Variants in RAB2A observed in about 807,000 individuals in gnomAD.
The protein encoded by RAB2A is ras-related protein Rab-2A.
RAB2A carries 7 observed loss-of-function variants against 32.5 expected under a neutral mutation model. The observed-to-expected ratio is 0.22, with a 90% confidence interval of 0.12 to 0.40. The LOEUF is 0.40. Ranked by LOEUF, RAB2A falls within the 10% of genes least tolerant of loss-of-function variation. The pLI is 1.00. For missense variants in RAB2A, 108 were observed against 260.7 expected (o/e 0.41, Z 4.03); for synonymous variants, 79 against 85.2 (o/e 0.93, Z 0.40).
intron 1 of RAB2A, among the ~76,000 whole-genome samples, chr8:60,549,479 CTTT>C (rs34956255): frequency 6.5e-5 from 9 of 139,270 alleles, no homozygotes; most frequent in African/African-American, 5.2e-5. Context: ...CTCCACCAAC[CTTT>C]TTTTTTTTTT....
intron 1 of RAB2A, among the ~76,000 whole-genome samples, chr8:60,531,121 T>G (rs1036996026): frequency 4.6e-5 from 7 of 152,246 alleles, no homozygotes; most frequent in African/African-American, 1.7e-4. Flanking sequence ...ATGTGTTTCC[T>G]TCATTTATTT....
chr8:60,558,028 C>G (rs1807964933), intron 1 of RAB2A, among the ~76,000 whole-genome samples: 1 of 152,188 alleles, frequency 6.6e-6, no homozygotes, highest in South Asian at 2.1e-4. Flanking sequence ...GTTTTCCACA[C>G]TACTGTATTT....
At chr8:60,530,194 G>A (rs545232107) in intron 1 of RAB2A, among the ~76,000 whole-genome samples, 3 of 149,156 alleles carry the variant, frequency 2.0e-5, no homozygotes, top group African/African-American at 5.0e-5. Flanking sequence ...TGTCACCCAG[G>A]CTGGAGTGCA....
Position 60,556,476 on chromosome 8 carries a change from A to G in RAB2A, c.47-2376A>G, listed in dbSNP as rs75814003. ...ATCACTCTTATAAATAAGTACAATT[A>G]TATGTCAATTAAAATTTAAAAAAAA... is the stretch of plus-strand genomic sequence containing the variant. On this transcript the variant is annotated intron_variant, in intron 1 of 7. Coordinates refer to ENST00000262646, the MANE Select transcript of RAB2A (RefSeq NM_002865.3). 7.8e-4 allele frequency among the ~76,000 whole-genome samples: 119 copies of G among 152,096 alleles called. No individual in the cohort carries two copies. The East Asian group carries it at 0.014, about 17-fold the overall frequency.
chr8:60,576,297 G>A (rs781113206), intron 3 of RAB2A: 3 of 456,286 alleles, frequency 6.6e-6, no homozygotes, highest in South Asian at 1.5e-5. Context: ...AAAAGGCAGA[G>A]GTATGTTCTC....
chr8:60,575,234 G>A (rs1408661542), intron 3 of RAB2A, among the ~76,000 whole-genome samples: 2 of 151,762 alleles, frequency 1.3e-5, no homozygotes, highest in Non-Finnish European at 1.5e-5. Flanking sequence ...GAGTAGCTGG[G>A]ACTACACATG....
At chr8:60,540,045 G>A (rs1807615791) in intron 1 of RAB2A, among the ~76,000 whole-genome samples, 1 of 151,586 alleles carries the variant, frequency 6.6e-6, no homozygotes, top group African/African-American at 2.4e-5. Flanking sequence ...ACAGTGGAAT[G>A]CATTGAAGTT....
intron 7 of RAB2A, among the ~76,000 whole-genome samples, chr8:60,619,698 C>G (rs1369687111): frequency 6.6e-6 from 1 of 152,220 alleles, no homozygotes; most frequent in Non-Finnish European, 1.5e-5. Flanking sequence ...AATTGGGCCT[C>G]TATCTAAAAG....
chr8:60,603,392 A>G (rs1310636577), intron 6 of RAB2A, among the ~76,000 whole-genome samples: 2 of 152,254 alleles, frequency 1.3e-5, no homozygotes, highest in African/African-American at 2.4e-5. Context: ...AATTTACAGC[A>G]TAAGATAACA....
chr8:60,529,622 A>C (rs1212243015), intron 1 of RAB2A, among the ~76,000 whole-genome samples: 1 of 152,186 alleles, frequency 6.6e-6, no homozygotes, highest in Non-Finnish European at 1.5e-5. Context: ...TTGTTTAGGA[A>C]GTAAACATTA....
intron 1 of RAB2A, among the ~76,000 whole-genome samples, chr8:60,536,182 G>A (rs913915748): frequency 2.0e-5 from 3 of 152,126 alleles, no homozygotes; most frequent in African/African-American, 7.2e-5. Flanking sequence ...TATATTTCAG[G>A]TACTTACAAT....
chr8:60,576,332 A>T lies in RAB2A; in HGVS notation c.186+4219A>T. ...CACTGTTAGACCCTGGCCAGCCATT[A>T]CTGCCTTGTTCTGCTCTTGTTCTTT... On this transcript the variant is annotated intron_variant, in intron 3 of 7. Coordinates refer to ENST00000262646, the MANE Select transcript of RAB2A (RefSeq NM_002865.3). The T allele has an allele frequency of 6.6e-6, 3 of 455,860 alleles. 1 individual carries two copies. The highest frequency in any genetic ancestry group is 3.1e-5 in the South Asian group (2 of 64,500). 28.2% of individuals were successfully genotyped at this position (455,860 alleles called of 1,614,324 possible).
chr8:60,519,363 C>T (rs1399136975), intron 1 of RAB2A, among the ~76,000 whole-genome samples: 2 of 152,200 alleles, frequency 1.3e-5, no homozygotes, highest in African/African-American at 4.8e-5. Flanking sequence ...CATTGAGTCC[C>T]AGTGACTGAT....
intron 1 of RAB2A, among the ~76,000 whole-genome samples, chr8:60,517,622 G>A (rs1421905826): frequency 6.6e-6 from 1 of 152,216 alleles, no homozygotes; most frequent in Non-Finnish European, 1.5e-5. Flanking sequence ...GCGGCCCCAG[G>A]AAAAAGAAGG....
At chr8:60,601,599 A>T (rs1208525420) in intron 6 of RAB2A, among the ~76,000 whole-genome samples, 1 of 152,172 alleles carries the variant, frequency 6.6e-6, no homozygotes. Flanking sequence ...TGGCCTCCCA[A>T]AGTGCTGGGA....
At chr8:60,574,207 C>T (rs928518075) in intron 3 of RAB2A, among the ~76,000 whole-genome samples, 5 of 151,700 alleles carry the variant, frequency 3.3e-5, no homozygotes, top group African/African-American at 1.2e-4. Flanking sequence ...ATCGGAATAA[C>T]TTATTCTTCC....
intron 1 of RAB2A, among the ~76,000 whole-genome samples, chr8:60,547,354 C>G (rs1228084380): frequency 6.6e-6 from 1 of 152,226 alleles, no homozygotes; most frequent in Non-Finnish European, 1.5e-5. Flanking sequence ...CCTTTCCCCC[C>G]TTTCTATTCC....
At chr8:60,523,550 G>GT (rs1807333513) in intron 1 of RAB2A, among the ~76,000 whole-genome samples, 1 of 152,132 alleles carries the variant, frequency 6.6e-6, no homozygotes, top group East Asian at 1.9e-4. Context: ...CTTCATAGTT[G>GT]TATCACTTAT....
intron 1 of RAB2A, among the ~76,000 whole-genome samples, chr8:60,548,715 G>C (rs1807788666): frequency 7.2e-6 from 1 of 139,304 alleles, no homozygotes; most frequent in African/African-American, 2.8e-5. Context: ...AGTAGGGGCA[G>C]CCGGGCAGAG....
Sources: allele counts gnomAD v4.1 joint callset (sites outside exome capture counted in the v4.1 genomes callset), GRCh38; gene constraint gnomAD v4.1.1; transcripts MANE v1.5; gene names NCBI Gene and HGNC (gene_info 2026-07-23, HGNC 2026-07-21).